The following PSD2 variants were observed in gnomAD, a reference collection of about 807,000 sequenced individuals.
The protein encoded by PSD2 is PH and SEC7 domain-containing protein 2.
Under a neutral mutation model 69.8 loss-of-function variants are expected in PSD2, and 38 were observed. The observed-to-expected ratio is 0.54, with a 90% CI of 0.42 to 0.71. The LOEUF (loss-of-function observed/expected upper bound fraction) is 0.71, where lower values mean the gene tolerates loss of function less well. Ranked by LOEUF, PSD2 falls within the 30% of genes least tolerant of loss-of-function variation. The pLI is 0.00. For missense variants in PSD2, 943 were observed against 1,014.5 expected (o/e 0.93, Z 0.96); for synonymous variants, 412 against 423.0 (o/e 0.97, Z 0.32).
chr5:139,748,909 G>C, the PSD2 span, among the ~76,000 whole-genome samples: 8 of 152,108 alleles, frequency 5.3e-5, no homozygotes, highest in Non-Finnish European at 5.9e-5. Flanking sequence ...GGGTATGTTG[G>C]GGGGGGTGAA....
the PSD2 span, among the ~76,000 whole-genome samples, chr5:139,762,344 T>C: frequency 6.6e-6 from 1 of 151,878 alleles, no homozygotes; most frequent in South Asian, 2.1e-4. Flanking sequence ...CGCCCAGTCC[T>C]TCATTCGTTT....
upstream of PSD2, among the ~76,000 whole-genome samples, chr5:139,792,900 T>C (rs572805864): frequency 6.8e-6 from 1 of 146,394 alleles, no homozygotes; most frequent in African/African-American, 2.5e-5. Flanking sequence ...CCTTCCTTCC[T>C]TCCTTCCTTC....
At chr5:139,772,805 A>G in the PSD2 span, 1 of 152,124 alleles carries the variant, frequency 6.6e-6, no homozygotes, top group African/African-American at 2.4e-5. Context: ...ATAGGTGATA[A>G]TATTCTTGTT....
intron 14 of PSD2, among the ~76,000 whole-genome samples, chr5:139,841,912 A>C (rs1239883124): frequency 1.3e-5 from 2 of 152,246 alleles, no homozygotes; most frequent in Admixed American, 1.3e-4. Flanking sequence ...TATCAGATAT[A>C]TGACTTGCAA....
At chr5:139,782,480 G>C in the PSD2 span, among the ~76,000 whole-genome samples, 1 of 145,262 alleles carries the variant, frequency 6.9e-6, no homozygotes, top group African/African-American at 2.6e-5. Context: ...CACTGTGCTG[G>C]GCCTGACTAG....
At chr5:139,788,709 GGGCCGGC>G in the PSD2 span, among the ~76,000 whole-genome samples, 3 of 152,224 alleles carry the variant, frequency 2.0e-5, no homozygotes, top group African/African-American at 4.8e-5. Context: ...CCGGGGCCCT[GGGCCGGC>G]GGCCGGCTGC....
chr5:139,807,945 T>C (rs1406320131), intron 1 of PSD2, among the ~76,000 whole-genome samples: 1 of 152,202 alleles, frequency 6.6e-6, no homozygotes, highest in East Asian at 1.9e-4. Context: ...TAATCTGCAT[T>C]GTACCAAGTC....
intron 1 of PSD2, among the ~76,000 whole-genome samples, chr5:139,806,730 G>A (rs1377142441): frequency 6.6e-6 from 1 of 152,208 alleles, no homozygotes; most frequent in Non-Finnish European, 1.5e-5. Flanking sequence ...GAGTGAGCAT[G>A]TGGGGCATCG....
intron 8 of PSD2, 62 bp from the exon 9 acceptor site, chr5:139,835,661 G>A (rs1760697018): frequency 6.0e-6 from 9 of 1,508,632 alleles, no homozygotes; most frequent in Non-Finnish European, 8.3e-6. Flanking sequence ...GTTATTGGTG[G>A]TAGATGAGGG....
At chr5:139,745,862 C>T in the PSD2 span, among the ~76,000 whole-genome samples, 1 of 152,320 alleles carries the variant, frequency 6.6e-6, no homozygotes, top group Non-Finnish European at 1.5e-5. Context: ...GATGGTACCA[C>T]CCACACTGTC....
intron 1 of PSD2, among the ~76,000 whole-genome samples, chr5:139,801,400 A>C (rs1436938357): frequency 6.6e-6 from 1 of 152,086 alleles, no homozygotes; most frequent in Non-Finnish European, 1.5e-5. Context: ...TCTCAGTCTT[A>C]TTGGCAGCAT....
At chr5:139,764,978 TCA>T in the PSD2 span, among the ~76,000 whole-genome samples, 3 of 152,200 alleles carry the variant, frequency 2.0e-5, no homozygotes, top group African/African-American at 7.2e-5. Context: ...TTCCAGGGCT[TCA>T]GTGTGACCCC....
chr5:139,836,546 G>A (rs1040978490), intron 9 of PSD2, among the ~76,000 whole-genome samples: 2 of 152,218 alleles, frequency 1.3e-5, no homozygotes, highest in Admixed American at 6.5e-5. Context: ...AAGTCTCCAC[G>A]TTTGTGATCA....
chr5:139,835,503 C>T (rs549271055), intron 8 of PSD2, among the ~76,000 whole-genome samples: 29 of 152,304 alleles, frequency 1.9e-4, no homozygotes, highest in African/African-American at 5.3e-4. Context: ...CAGTCTCCTA[C>T]GGGAGATTGA....
At chr5:139,789,842 C>T in the PSD2 span, among the ~76,000 whole-genome samples, 31 of 149,784 alleles carry the variant, frequency 2.1e-4, no homozygotes, top group African/African-American at 7.2e-4. Context: ...GAAAAGAAGG[C>T]GGGGAAATGG....
At chr5:139,769,342 A>C in the PSD2 span, among the ~76,000 whole-genome samples, 1 of 152,078 alleles carries the variant, frequency 6.6e-6, no homozygotes, top group Non-Finnish European at 1.5e-5. Context: ...TTTTCCTGAC[A>C]GCAAAAATCC....
chr5:139,749,829 C>T, the PSD2 span, among the ~76,000 whole-genome samples: 1 of 151,388 alleles, frequency 6.6e-6, no homozygotes, highest in African/African-American at 2.4e-5. Flanking sequence ...AACACCATCT[C>T]TACAAAACAA....
At position 139,809,551 on chromosome 5, in the gene PSD2, G is replaced by A. The variant is rs1300676108; in HGVS notation, c.111G>A (p.Glu37=). Reference sequence around the variant, plus strand: ...GGGTCCGGAATGGGATGGCCAGTGAGGGCCTGAACAGCAGCCTCTGCAGCC... The same window carrying A: ...GGGTCCGGAATGGGATGGCCAGTGAAGGCCTGAACAGCAGCCTCTGCAGCC... ...EPGVRNGMAS[E]GLNSSLCSPG... is the part of the protein sequence containing the mutation. Residue 37 remains glutamate (E), a synonymous_variant, in exon 2 of 15, where the codon GAG becomes GAA. Coordinates refer to ENST00000274710, the MANE Select transcript of PSD2 (RefSeq NM_032289.4). The A allele has an allele frequency of 1.2e-6, 2 of 1,613,832 alleles. No homozygotes were observed. The highest frequency in any genetic ancestry group is 1.7e-5 in the Admixed American group (1 of 59,988).
chr5:139,801,088 C>G (rs1040477795), intron 1 of PSD2, among the ~76,000 whole-genome samples: 1 of 151,822 alleles, frequency 6.6e-6, no homozygotes, highest in South Asian at 2.1e-4. Flanking sequence ...ACTTGTACTC[C>G]CAGGTACTCG....
Sources: gnomAD v4.1 joint callset for allele counts (sites outside exome capture counted in the v4.1 genomes callset) on GRCh38, gnomAD v4.1.1 for gene constraint, MANE v1.5 for transcripts, NCBI Gene and HGNC (gene_info 2026-07-23, HGNC 2026-07-21) for gene names.